ACBD6: variants seen among roughly 807,000 people sequenced by gnomAD.
The protein encoded by ACBD6 is acyl-CoA-binding domain-containing protein 6.
In ACBD6, 28 loss-of-function variants were observed where a neutral mutation model predicts 37.2. That is an observed-to-expected ratio of 0.75 (90% CI 0.56 to 1.03). The LOEUF is 1.03. ACBD6 is among the 50% of genes least tolerant of loss of function. The probability of loss-of-function intolerance (pLI) is 0.00; values close to 1 mark genes in which losing one functional copy is unlikely to be tolerated. For missense variants in ACBD6, 340 were observed against 337.4 expected (o/e 1.01, Z -0.06); for synonymous variants, 113 against 126.8 (o/e 0.89, Z 0.73).
intron 6 of ACBD6, among the ~76,000 whole-genome samples, chr1:180,351,335 G>A (rs189791898): frequency 1.3e-5 from 2 of 150,790 alleles, no homozygotes; most frequent in East Asian, 3.9e-4. Context: ...GAGTACAATG[G>A]CACAATCCCG....
chr1:180,435,082 C>T (rs774154547), intron 3 of ACBD6: 5 of 790,156 alleles, frequency 6.3e-6, no homozygotes, highest in Non-Finnish European at 1.2e-5. Context: ...CTGAAGCTTA[C>T]CTTCAATTCA....
At chr1:180,368,279 C>A (rs1453506665) in intron 6 of ACBD6, among the ~76,000 whole-genome samples, 1 of 151,856 alleles carries the variant, frequency 6.6e-6, no homozygotes, top group Admixed American at 6.6e-5. Flanking sequence ...GGGTATTAGA[C>A]CTTTGTTAGA....
intron 3 of ACBD6, among the ~76,000 whole-genome samples, chr1:180,489,257 ACC>A (rs1470507032): frequency 6.6e-6 from 1 of 151,962 alleles, no homozygotes; most frequent in African/African-American, 2.4e-5. Context: ...TTATTATTTA[ACC>A]TAAAAGATAA....
intron 3 of ACBD6, among the ~76,000 whole-genome samples, chr1:180,456,285 C>G (rs1369647741): frequency 1.3e-5 from 2 of 151,978 alleles, no homozygotes; most frequent in Non-Finnish European, 2.9e-5. Flanking sequence ...AAGCCAAACC[C>G]TCAAAAAGTT....
At chr1:180,368,130 T>C (rs1479076833) in intron 6 of ACBD6, among the ~76,000 whole-genome samples, 1 of 152,216 alleles carries the variant, frequency 6.6e-6, no homozygotes, top group Non-Finnish European at 1.5e-5. Flanking sequence ...TGCATTTCTC[T>C]AGTGATCAGT....
At chr1:180,395,177 G>A (rs1375080218) in intron 6 of ACBD6, among the ~76,000 whole-genome samples, 1 of 152,126 alleles carries the variant, frequency 6.6e-6, no homozygotes, top group Admixed American at 6.5e-5. Flanking sequence ...ATTCTCCTGG[G>A]AACTGGTTGG....
intron 3 of ACBD6, among the ~76,000 whole-genome samples, chr1:180,476,955 C>T (rs191810869): frequency 5.9e-5 from 9 of 152,238 alleles, no homozygotes; most frequent in Non-Finnish European, 1.3e-4. Context: ...ACCAGTTCCC[C>T]TCTGAAGCTA....
At chr1:180,389,306 C>A (rs1366542108) in intron 6 of ACBD6, among the ~76,000 whole-genome samples, 1 of 152,174 alleles carries the variant, frequency 6.6e-6, no homozygotes. Context: ...CCAATTTCAT[C>A]CATGTCCCTA....
At chr1:180,432,855 C>T (rs556546061) in intron 3 of ACBD6, among the ~76,000 whole-genome samples, 4 of 151,216 alleles carry the variant, frequency 2.6e-5, no homozygotes, top group South Asian at 2.1e-4. Flanking sequence ...GACTGAATCA[C>T]GAAGAAATCA....
intron 6 of ACBD6, among the ~76,000 whole-genome samples, chr1:180,344,005 C>T (rs2101883794): frequency 1.3e-5 from 2 of 152,142 alleles, no homozygotes; most frequent in Admixed American, 1.3e-4. Flanking sequence ...GGAAAAAGTG[C>T]TGATGAGGAC....
intron 6 of ACBD6, among the ~76,000 whole-genome samples, chr1:180,348,112 A>C (rs4259605): frequency 0.94 from 143,387 of 152,166 alleles, 67,603 homozygotes; most frequent in East Asian, 0.98. Flanking sequence ...GGCAGCCAAT[A>C]AGTATTTGTT....
chr1:180,357,328 G>A (rs888953933), intron 6 of ACBD6, among the ~76,000 whole-genome samples: 9 of 152,152 alleles, frequency 5.9e-5, no homozygotes, highest in African/African-American at 2.2e-4. Context: ...AGCAGAGTTA[G>A]GGCTTAAATT....
Position 180,401,481 on chromosome 1 carries a change from A to T in ACBD6, c.574-3876T>A, listed in dbSNP as rs979167163. On this transcript the variant is annotated intron_variant, in intron 5 of 7. Transcript: ENST00000367595. ...CTTTTCTCCTCAATATCACAAAATT[A>T]AAAAAAAGAGAAGAGATTCTGGCCA... Among the ~76,000 whole-genome samples the T allele has an allele frequency of 4.7e-5, 7 of 149,886 alleles. No individual in the cohort carries two copies. The East Asian group carries it at 7.7e-4, about 17-fold the overall frequency.
intron 7 of ACBD6, 67 bp downstream of exon 7, chr1:180,314,625 A>G (rs983296663): frequency 2.3e-6 from 3 of 1,332,484 alleles, no homozygotes; most frequent in Non-Finnish European, 3.2e-6. Flanking sequence ...AGGAATGGAC[A>G]AAGTTGAAAT....
chr1:180,462,336 A>G (rs766189000), intron 3 of ACBD6, among the ~76,000 whole-genome samples: 2 of 152,228 alleles, frequency 1.3e-5, no homozygotes, highest in African/African-American at 2.4e-5. Flanking sequence ...GCTGTCTGCA[A>G]GAGACTCATC....
intron 3 of ACBD6, among the ~76,000 whole-genome samples, chr1:180,456,725 T>C (rs1288556127): frequency 6.6e-6 from 1 of 152,048 alleles, no homozygotes; most frequent in Non-Finnish European, 1.5e-5. Context: ...ATGTTGATCT[T>C]TAAAATTTTT....
chr1:180,374,363 G>A (rs1653359990), intron 6 of ACBD6, among the ~76,000 whole-genome samples: 1 of 152,186 alleles, frequency 6.6e-6, no homozygotes, highest in Admixed American at 6.5e-5. Context: ...CTACACTCAA[G>A]TGCTAGTAAA....
chr1:180,485,811 G>C (rs190118825), intron 3 of ACBD6, among the ~76,000 whole-genome samples: 1 of 152,012 alleles, frequency 6.6e-6, no homozygotes, highest in Non-Finnish European at 1.5e-5. Flanking sequence ...AAAGGACATA[G>C]AAGCCATCTT....
chr1:180,395,180 C>A (rs770880657), intron 6 of ACBD6, among the ~76,000 whole-genome samples: 5 of 152,078 alleles, frequency 3.3e-5, no homozygotes, highest in Admixed American at 6.5e-5. Context: ...CTCCTGGGAA[C>A]TGGTTGGATG....
Sources: allele counts gnomAD v4.1 joint callset (sites outside exome capture counted in the v4.1 genomes callset), GRCh38; gene constraint gnomAD v4.1.1; transcripts MANE v1.5; gene names NCBI Gene and HGNC (gene_info 2026-07-23, HGNC 2026-07-21).